EBF1: variants seen among roughly 807,000 people sequenced by gnomAD.
EBF1 encodes EBF transcription factor 1.
EBF1 carries 10 observed loss-of-function variants against 68.4 expected under a neutral mutation model. The ratio of observed to expected loss-of-function variants is 0.15; its 90% confidence interval spans 0.09 to 0.25. EBF1 has a LOEUF of 0.25. Among genes scored for constraint, EBF1 ranks in the 10% least tolerant of loss-of-function variants. The probability of loss-of-function intolerance (pLI) is 1.00; values close to 1 mark genes in which losing one functional copy is unlikely to be tolerated. For synonymous variants in EBF1, 298 were observed against 299.8 expected, an observed-to-expected ratio of 0.99 and a Z score of 0.06; for missense variants, 509 against 794.4, an observed-to-expected ratio of 0.64 and a Z score of 4.32.
At chr5:158,813,200 C>A (rs1425945275) in intron 8 of EBF1, among the ~76,000 whole-genome samples, 1 of 152,140 alleles carries the variant, frequency 6.6e-6, no homozygotes, top group Non-Finnish European at 1.5e-5. Context: ...TTGCCCTAAG[C>A]AATAATAGCT....
intron 6 of EBF1, among the ~76,000 whole-genome samples, chr5:158,855,067 C>T (rs541859409): frequency 6.6e-6 from 1 of 152,248 alleles, no homozygotes; most frequent in Non-Finnish European, 1.5e-5. Flanking sequence ...TAACAGAGAG[C>T]AAAATCTTAG....
In EBF1 at chr5:158,875,755, TAC is replaced by T. The variant is rs371471099; in HGVS notation, c.555-35647_555-35646del. On this transcript the variant is annotated intron_variant, in intron 6 of 15. Transcript: ENST00000313708. Reference sequence around the variant, plus strand: ...TAAGAGTTAATATTCATTTGAATTTTACAGAGATTAGCATTCATCATTTTTAC... The same window carrying T: ...TAAGAGTTAATATTCATTTGAATTTTAGAGATTAGCATTCATCATTTTTAC... Among the ~76,000 whole-genome samples the T allele has an allele frequency of 1.2e-4, 18 of 152,376 alleles. No homozygotes were observed. The East Asian group carries it at 3.1e-3, about 26-fold the overall frequency.
At chr5:158,792,107 T>A (rs1233525207) in intron 9 of EBF1, among the ~76,000 whole-genome samples, 1 of 152,260 alleles carries the variant, frequency 6.6e-6, no homozygotes, top group East Asian at 1.9e-4. Flanking sequence ...ACATTAAACA[T>A]CACACATCAA....
chr5:158,763,695 C>T lies in EBF1; in HGVS notation c.1036+13718G>A, dbSNP rs115504539. Among the ~76,000 whole-genome samples, 825 of 152,186 alleles carry T rather than the reference C, an allele frequency of 5.4e-3. 6 individuals are homozygous for T. The highest frequency in any genetic ancestry group is 0.017 in the African/African-American group (708 of 41,524). ...TTAGAGAAATAAAGAGTTTATCAAACGACCATGGTGATGTTTGTTGATTGA... is the reference window on the plus strand; with the variant it reads ...TTAGAGAAATAAAGAGTTTATCAAATGACCATGGTGATGTTTGTTGATTGA... On this transcript the variant is annotated intron_variant, in intron 10 of 15. Coordinates refer to ENST00000313708, the MANE Select transcript of EBF1 (RefSeq NM_024007.5).
chr5:158,712,299 G>A lies in EBF1; in HGVS notation c.1404C>T (p.His468=), dbSNP rs367971813. Residue 468 remains histidine (H), a synonymous_variant, in exon 14 of 16, where the codon CAC becomes CAT. Coordinates refer to ENST00000313708, the MANE Select transcript of EBF1 (RefSeq NM_024007.5). ...GGGGAGTGGTGCTCGGCACGTACCC[G>A]TGTGGTGATACGCTGCTTGAGTTGC... The part of the protein sequence containing the change: ...FTRNSSSVSP[H]GYVPSTTPQQ... The A allele has an allele frequency of 6.8e-5, 109 of 1,613,948 alleles. No individual in the cohort carries two copies. Among genetic ancestry groups the A allele is most frequent in the Middle Eastern group, 1.6e-4 (1 of 6,082 alleles).
intron 6 of EBF1, among the ~76,000 whole-genome samples, chr5:159,040,774 A>G (rs1253147916): frequency 2.0e-5 from 3 of 152,230 alleles, no homozygotes; most frequent in Non-Finnish European, 4.4e-5. Context: ...AGGTATATCC[A>G]TTAAAAGCAA....
At chr5:158,937,335 G>A (rs962531129) in intron 6 of EBF1, among the ~76,000 whole-genome samples, 3 of 152,014 alleles carry the variant, frequency 2.0e-5, no homozygotes, top group African/African-American at 7.3e-5. Flanking sequence ...TTCATTCTGG[G>A]CCCTTCAGTA....
chr5:158,721,647 T>A (rs1761955754), intron 11 of EBF1, among the ~76,000 whole-genome samples: 1 of 152,146 alleles, frequency 6.6e-6, no homozygotes, highest in Non-Finnish European at 1.5e-5. Context: ...AGCAATAATA[T>A]AGTTGTAAGA....
In EBF1 at chr5:158,967,401, G is replaced by A. The variant is rs145431005; in HGVS notation, c.554+105995C>T. 2.7e-3 allele frequency among the ~76,000 whole-genome samples: 409 copies of A among 152,192 alleles called. 2 individuals are homozygous for A. Among genetic ancestry groups the A allele is most frequent in the African/African-American group, 7.9e-3 (330 of 41,518 alleles). On this transcript the variant is annotated intron_variant, in intron 6 of 15. Coordinates refer to ENST00000313708, the MANE Select transcript of EBF1 (RefSeq NM_024007.5). ...CCCTTTTCTATGGAACACAAAAGACGTCTTTATTACCATCAAGATGCTTGT... is the reference window on the plus strand; with the variant it reads ...CCCTTTTCTATGGAACACAAAAGACATCTTTATTACCATCAAGATGCTTGT...
At chr5:158,959,960 G>C (rs1473728487) in intron 6 of EBF1, among the ~76,000 whole-genome samples, 1 of 152,134 alleles carries the variant, frequency 6.6e-6, no homozygotes, top group East Asian at 1.9e-4. Flanking sequence ...TCCCTAGTTA[G>C]GGTGGCTATT....
chr5:158,703,849 C>T (rs1757279364), intron 15 of EBF1, among the ~76,000 whole-genome samples: 1 of 152,206 alleles, frequency 6.6e-6, no homozygotes, highest in South Asian at 2.1e-4. Context: ...GTTCTGAATT[C>T]TCCTTCATCT....
intron 6 of EBF1, among the ~76,000 whole-genome samples, chr5:158,868,094 T>TCC (rs1244440612): frequency 6.6e-6 from 1 of 152,130 alleles, no homozygotes; most frequent in African/African-American, 2.4e-5. Context: ...AAATCAGAGT[T>TCC]CCCCAAGAAA....
chr5:159,086,739 G>A (rs1397464547), intron 4 of EBF1, among the ~76,000 whole-genome samples: 2 of 152,076 alleles, frequency 1.3e-5, no homozygotes, highest in South Asian at 2.1e-4. Flanking sequence ...GGTTTCCCCA[G>A]GGTAAAGTTA....
chr5:158,853,539 A>T (rs1166257725), intron 6 of EBF1, among the ~76,000 whole-genome samples: 1 of 152,228 alleles, frequency 6.6e-6, no homozygotes. Context: ...AGATCACTGG[A>T]AAAGTGAGCT....
intron 10 of EBF1, among the ~76,000 whole-genome samples, chr5:158,772,623 C>T (rs1487102286): frequency 6.6e-6 from 1 of 152,094 alleles, no homozygotes; most frequent in Non-Finnish European, 1.5e-5. Flanking sequence ...ACACTTTGCT[C>T]CTTTTATTTG....
intron 6 of EBF1, among the ~76,000 whole-genome samples, chr5:159,009,039 C>T (rs1764126226): frequency 6.6e-6 from 1 of 152,168 alleles, no homozygotes; most frequent in Non-Finnish European, 1.5e-5. Context: ...CTCTCCCAGC[C>T]TCATGCTCTC....
intron 10 of EBF1, among the ~76,000 whole-genome samples, chr5:158,755,381 C>G (rs1769851920): frequency 6.6e-6 from 1 of 152,112 alleles, no homozygotes; most frequent in Admixed American, 6.6e-5. Context: ...TCTACCAGAG[C>G]ATTTTGTCAC....
At chr5:158,875,542 C>T (rs568206892) in intron 6 of EBF1, among the ~76,000 whole-genome samples, 4 of 152,170 alleles carry the variant, frequency 2.6e-5, no homozygotes, top group Admixed American at 6.5e-5. Context: ...TATTACTGAG[C>T]CATAAGCCTG....
chr5:159,009,771 C>CAA (rs11301958), intron 6 of EBF1, among the ~76,000 whole-genome samples: 1 of 124,202 alleles, frequency 8.1e-6, no homozygotes, highest in Non-Finnish European at 1.7e-5. Context: ...GACCCCATCT[C>CAA]AAAAAAAAAA....
Sources: allele counts gnomAD v4.1 joint callset (sites outside exome capture counted in the v4.1 genomes callset), GRCh38; gene constraint gnomAD v4.1.1; transcripts MANE v1.5; gene names NCBI Gene and HGNC (gene_info 2026-07-23, HGNC 2026-07-21).